Variants in GABRR2 observed in about 807,000 individuals in gnomAD.
GABRR2 encodes the protein gamma-aminobutyric acid receptor subunit rho-2.
In GABRR2, 36 loss-of-function variants were observed where a neutral mutation model predicts 47.0. The observed-to-expected ratio is 0.77, with a 90% CI of 0.59 to 1.01. GABRR2 has a LOEUF of 1.01. Ranked by LOEUF, GABRR2 falls within the 50% of genes least tolerant of loss-of-function variation. GABRR2 has a pLI of 0.00. For synonymous variants in GABRR2, 204 were observed against 227.5 expected, an observed-to-expected ratio of 0.90 and a Z score of 0.93; for missense variants, 587 against 594.6, an observed-to-expected ratio of 0.99 and a Z score of 0.13.
intron 3 of GABRR2, among the ~76,000 whole-genome samples, chr6:89,269,857 C>CT (rs1774008527): frequency 6.6e-6 from 1 of 152,218 alleles, no homozygotes; most frequent in Non-Finnish European, 1.5e-5. Flanking sequence ...TGCCTGAAAT[C>CT]TTACCTTGTT....
rs148690060 is a variant in GABRR2 at position 89,292,720 on chromosome 6, A to G, written c.220+7039T>C. ...ATCGTATCTCTGATATATATCAGAT[A>G]TATATCGTATATATCATATATAATC... On this transcript the variant is annotated intron_variant, in intron 2 of 8. Transcript: ENST00000402938. 1.0e-3 allele frequency among the ~76,000 whole-genome samples: 136 copies of G among 129,966 alleles called. 18 individuals carry two copies. Among genetic ancestry groups the G allele is most frequent in the South Asian group, 1.9e-3 (8 of 4,124 alleles). The allele number at this position is 129,966 out of a possible 152,430, so 85.3% of individuals were successfully genotyped here. A position where few individuals can be genotyped will look rare whatever the true frequency, so the allele number is the denominator to read the frequency against.
In GABRR2 at chr6:89,277,868, T is replaced by TGGC. The variant is rs1774191789; in HGVS notation, c.221-6147_221-6146insGCC. Among the ~76,000 whole-genome samples, 17 of 84,474 alleles carry TGGC rather than the reference T, an allele frequency of 2.0e-4. No homozygotes were observed. The South Asian group carries it at 8.3e-3, about 41-fold the overall frequency. The allele number at this position is 84,474 out of a possible 152,430, so 55.4% of individuals were successfully genotyped here. Reference sequence around the variant, plus strand: ...ATACCTTGCCAGTGGTGGGCGGGGGTGGGGGGGGGTGGGGGCTGCAAATTG... The same window carrying TGGC: ...ATACCTTGCCAGTGGTGGGCGGGGGTGGCGGGGGGGGGTGGGGGCTGCAAATTG... On this transcript the variant is annotated intron_variant, in intron 2 of 8. Coordinates refer to ENST00000402938, the MANE Select transcript of GABRR2 (RefSeq NM_002043.5).
At chr6:89,297,007 T>A (rs1774566238) in intron 2 of GABRR2, among the ~76,000 whole-genome samples, 1 of 152,170 alleles carries the variant, frequency 6.6e-6, no homozygotes, top group Non-Finnish European at 1.5e-5. Flanking sequence ...CCTGATAGCA[T>A]CACTAGCCTT....
rs973115579 is a variant in GABRR2 at position 89,266,879 on chromosome 6, G to T, written c.736+800C>A. Among the ~76,000 whole-genome samples the T allele has an allele frequency of 1.4e-4, 21 of 151,758 alleles. 1 individual carries two copies. Among genetic ancestry groups the T allele is most frequent in the African/African-American group, 4.9e-4 (20 of 41,094 alleles). ...TCTATTGCCCAGGCTGGAGTGCAAT[G>T]GCACAATCATAGCTCACTGCAGCCT... On this transcript the variant is annotated intron_variant, in intron 6 of 8. Transcript: ENST00000402938.
chr6:89,312,764 T>C (rs531981905), intron 1 of GABRR2, among the ~76,000 whole-genome samples: 2 of 152,372 alleles, frequency 1.3e-5, no homozygotes, highest in South Asian at 4.1e-4. Flanking sequence ...TTCTCATGGA[T>C]GCAGAAAGGC....
intron 2 of GABRR2, among the ~76,000 whole-genome samples, chr6:89,272,289 A>T (rs995279756): frequency 2.6e-5 from 4 of 152,156 alleles, no homozygotes; most frequent in Non-Finnish European, 4.4e-5. Context: ...GGACAATGAA[A>T]CCTTGTCAGG....
intron 2 of GABRR2, among the ~76,000 whole-genome samples, chr6:89,291,627 G>C (rs1774442996): frequency 1.3e-5 from 2 of 152,082 alleles, no homozygotes; most frequent in Admixed American, 1.3e-4. Context: ...CACTGCAGGT[G>C]TCACTGCCTG....
chr6:89,282,829 C>A (rs1464979336), intron 2 of GABRR2, among the ~76,000 whole-genome samples: 1 of 152,252 alleles, frequency 6.6e-6, no homozygotes, highest in Non-Finnish European at 1.5e-5. Context: ...CCAGTCTCCC[C>A]CTTCCAGATC....
chr6:89,315,056 G>C lies in GABRR2; in HGVS notation c.110C>G (p.Pro37Arg). 1 of 1,612,886 alleles carries C rather than the reference G, an allele frequency of 6.2e-7. No homozygotes were observed. ...CCTTTCCCACCTATGACTTTACCTT[G>C]GCTTGGGCATTTCCACCTGCCCTGT... ...RWTGQVEMPK[P>R]SHLYKKNLDV... is the part of the protein sequence containing the mutation. Residue 37 changes from proline to arginine, a missense_variant, in exon 1 of 9, where the codon CCA becomes CGA. Pro to Arg is a moderately radical substitution (Grantham distance 103). Transcript: ENST00000402938.
At chr6:89,275,453 T>C (rs906643950) in intron 2 of GABRR2, among the ~76,000 whole-genome samples, 4 of 152,066 alleles carry the variant, frequency 2.6e-5, no homozygotes, top group Non-Finnish European at 5.9e-5. Context: ...CTTGTAGTTT[T>C]AGTAGAGATG....
intron 2 of GABRR2, among the ~76,000 whole-genome samples, chr6:89,276,554 C>T (rs1337617500): frequency 6.6e-6 from 1 of 152,088 alleles, no homozygotes; most frequent in African/African-American, 2.4e-5. Flanking sequence ...CAAATACCAT[C>T]TTTAATAGTA....
intron 2 of GABRR2, among the ~76,000 whole-genome samples, chr6:89,292,796 GT>G (rs1562379817): frequency 0.014 from 245 of 17,872 alleles, 31 homozygotes; most frequent in Non-Finnish European, 0.017. Context: ...ACGATATATC[GT>G]ATATATCGTA....
chr6:89,293,781 T>A (rs1187736901), intron 2 of GABRR2, among the ~76,000 whole-genome samples: 2 of 152,064 alleles, frequency 1.3e-5, no homozygotes, highest in East Asian at 3.8e-4. Flanking sequence ...AGCGAGACCA[T>A]GTCTCAGATA....
rs115709564 is a variant in GABRR2 at position 89,272,423 on chromosome 6, G to A, written c.221-701C>T. On this transcript the variant is annotated intron_variant, in intron 2 of 8. Transcript: ENST00000402938. ...GGTCCTGTCCTTTTCCTTGAGCTGG[G>A]TGATGGTTACGTAGATAAGTTCACT... Among the ~76,000 whole-genome samples, 211 of 152,394 alleles carry A rather than the reference G, an allele frequency of 1.4e-3. 1 individual carries two copies. The highest frequency in any genetic ancestry group is 3.9e-3 in the African/African-American group (162 of 41,598).
intron 2 of GABRR2, among the ~76,000 whole-genome samples, chr6:89,285,209 G>A (rs1774313294): frequency 6.6e-6 from 1 of 152,232 alleles, no homozygotes; most frequent in Non-Finnish European, 1.5e-5. Flanking sequence ...GATAGCCAAG[G>A]AGTGGCCAGA....
chr6:89,255,272 A>C lies in GABRR2; in HGVS notation c.*2398T>G, dbSNP rs1410778336. 6.6e-6 allele frequency among the ~76,000 whole-genome samples: 1 copy of C among 152,042 alleles called. No individual in the cohort carries two copies. The highest frequency in any genetic ancestry group is 2.4e-5 in the African/African-American group (1 of 41,384). On this transcript the variant is annotated 3_prime_UTR_variant, in exon 9 of 9. Coordinates refer to ENST00000402938, the MANE Select transcript of GABRR2 (RefSeq NM_002043.5). The stretch of plus-strand genomic sequence containing the variant: ...ACTAACATGGAGAAACCCCATCTCT[A>C]CTAAAAAATACAAAAGTTAGCCAGG...
intron 2 of GABRR2, among the ~76,000 whole-genome samples, chr6:89,271,985 T>A (rs771527470): frequency 3.3e-5 from 5 of 152,240 alleles, no homozygotes; most frequent in Admixed American, 6.5e-5. Flanking sequence ...ATCAATGAGC[T>A]GATCACCACT....
At position 89,271,641 on chromosome 6, in the gene GABRR2, A is replaced by G. The variant is rs1260109112; in HGVS notation, c.288+14T>C. On this transcript the variant is annotated intron_variant, in intron 3 of 8. Transcript: ENST00000402938. ...ACAGGCTCTCACGCTGTGTCACTGG[A>G]GGCCGCTGCATACCATGTCCACCTC... 1 of 1,606,472 alleles carries G rather than the reference A, an allele frequency of 6.2e-7. No individual in the cohort carries two copies. Among genetic ancestry groups the G allele is most frequent in the Admixed American group, 1.7e-5 (1 of 59,440 alleles).
intron 1 of GABRR2, chr6:89,302,158 C>T (rs560029309): frequency 8.0e-5 from 46 of 573,762 alleles, no homozygotes; most frequent in South Asian, 6.1e-4. Context: ...GTGAGAACTG[C>T]GACGGTCTGT....
Sources: gnomAD v4.1 joint callset for allele counts (sites outside exome capture counted in the v4.1 genomes callset) on GRCh38, gnomAD v4.1.1 for gene constraint, MANE v1.5 for transcripts, NCBI Gene and HGNC (gene_info 2026-07-23, HGNC 2026-07-21) for gene names.